EXT1: variants seen among roughly 807,000 people sequenced by gnomAD.
The protein encoded by EXT1 is exostosin-1.
Under a neutral mutation model 82.5 loss-of-function variants are expected in EXT1, and 20 were observed. That is an observed-to-expected ratio of 0.24 (90% CI 0.17 to 0.35). The LOEUF (loss-of-function observed/expected upper bound fraction) is 0.35. Ranked by LOEUF, EXT1 falls within the 10% of genes least tolerant of loss-of-function variation. The pLI, the probability that EXT1 is intolerant of heterozygous loss-of-function variation, is 1.00. For missense variants in EXT1, 757 were observed against 936.5 expected (o/e 0.81, Z 2.50); for synonymous variants, 348 against 350.8 (o/e 0.99, Z 0.09).
chr8:117,848,162 C>T (rs759921679), intron 1 of EXT1, among the ~76,000 whole-genome samples: 6 of 152,138 alleles, frequency 3.9e-5, no homozygotes, highest in Admixed American at 6.5e-5. Flanking sequence ...TAATCTTTCC[C>T]GTCTGGGTAT....
intron 1 of EXT1, among the ~76,000 whole-genome samples, chr8:118,082,132 C>T (rs1162058808): frequency 6.6e-6 from 1 of 152,172 alleles, no homozygotes; most frequent in African/African-American, 2.4e-5. Context: ...TTACAGAGAA[C>T]TGATGGCAAC....
At chr8:117,976,102 A>G (rs893033508) in intron 1 of EXT1, among the ~76,000 whole-genome samples, 3 of 152,248 alleles carry the variant, frequency 2.0e-5, no homozygotes, top group African/African-American at 7.2e-5. Flanking sequence ...GAACTTAAGC[A>G]AATGTACACA....
intron 1 of EXT1, among the ~76,000 whole-genome samples, chr8:118,013,153 CCT>C (rs2129839476): frequency 6.6e-6 from 1 of 152,076 alleles, no homozygotes; most frequent in Non-Finnish European, 1.5e-5. Flanking sequence ...CCCACCTCAT[CCT>C]CTCTAGTAGC....
chr8:118,106,073 C>T (rs866809320), intron 1 of EXT1, among the ~76,000 whole-genome samples: 3 of 152,294 alleles, frequency 2.0e-5, no homozygotes, highest in Middle Eastern at 3.4e-3. Flanking sequence ...TGTAAACTCC[C>T]AGAGCAAGAG....
chr8:117,926,786 TG>T (rs1434315141), intron 1 of EXT1, among the ~76,000 whole-genome samples: 20 of 152,330 alleles, frequency 1.3e-4, no homozygotes, highest in Non-Finnish European at 2.5e-4. Context: ...CCTATAAACA[TG>T]TTTATTTACC....
At chr8:117,808,202 C>CT (rs1823265332) in intron 8 of EXT1, among the ~76,000 whole-genome samples, 1 of 152,080 alleles carries the variant, frequency 6.6e-6, no homozygotes, top group Non-Finnish European at 1.5e-5. Context: ...AATGGTAAAT[C>CT]AAAATAATAA....
chr8:118,108,233 AG>A (rs1435976962), intron 1 of EXT1, among the ~76,000 whole-genome samples: 1 of 152,234 alleles, frequency 6.6e-6, no homozygotes, highest in Non-Finnish European at 1.5e-5. Context: ...ACTTGGATTA[AG>A]GGTATTTTCC....
chr8:117,834,669 A>G (rs1812155896), intron 3 of EXT1, among the ~76,000 whole-genome samples: 1 of 152,028 alleles, frequency 6.6e-6, no homozygotes, highest in South Asian at 2.1e-4. Context: ...TGAATATCCA[A>G]AAACTAAAAG....
At chr8:117,869,326 T>C (rs1812830190) in intron 1 of EXT1, among the ~76,000 whole-genome samples, 1 of 152,224 alleles carries the variant, frequency 6.6e-6, no homozygotes. Flanking sequence ...TTTATTTGTT[T>C]GGCGCAGAGG....
chr8:117,798,987 T>C lies in EXT1; in HGVS notation c.*725A>G, dbSNP rs1257857704. 2 of 152,366 alleles carry C rather than the reference T, an allele frequency of 1.3e-5. No homozygotes were observed. The highest frequency in any genetic ancestry group is 1.5e-5 in the Non-Finnish European group (1 of 68,192). The allele number at this position is 152,366 out of a possible 1,614,324, so 9.4% of individuals were successfully genotyped here. A position where few individuals can be genotyped will look rare whatever the true frequency, so the allele number is the denominator to read the frequency against. ...GTGCAAACTGAACATTTCTTAATTA[T>C]ACTAGTGTTTTCTTGGTACTAATTC... On this transcript the variant is annotated 3_prime_UTR_variant, in exon 11 of 11. Coordinates refer to ENST00000378204, the MANE Select transcript of EXT1 (RefSeq NM_000127.3).
intron 1 of EXT1, among the ~76,000 whole-genome samples, chr8:118,052,578 T>C (rs1476002386): frequency 1.3e-5 from 2 of 152,302 alleles, no homozygotes; most frequent in East Asian, 3.9e-4. Context: ...TGCAAGGCCA[T>C]AGAAGAAGCT....
chr8:117,862,483 C>G (rs1812702234), intron 1 of EXT1, among the ~76,000 whole-genome samples: 2 of 145,710 alleles, frequency 1.4e-5, no homozygotes, highest in Admixed American at 7.0e-5. Context: ...GGTTGACCAC[C>G]TCAGAAGGGA....
At chr8:118,047,319 T>G (rs1042099108) in intron 1 of EXT1, among the ~76,000 whole-genome samples, 4 of 152,194 alleles carry the variant, frequency 2.6e-5, no homozygotes, top group Non-Finnish European at 4.4e-5. Flanking sequence ...AACAATCCCT[T>G]ACTAGCTATG....
chr8:117,813,663 T>C (rs1823371687), intron 7 of EXT1, among the ~76,000 whole-genome samples: 1 of 152,150 alleles, frequency 6.6e-6, no homozygotes, highest in Non-Finnish European at 1.5e-5. Flanking sequence ...TCAAAGGTAA[T>C]ATTAAAGTTA....
chr8:117,992,399 T>C (rs578066812), intron 1 of EXT1, among the ~76,000 whole-genome samples: 1 of 144,056 alleles, frequency 6.9e-6, no homozygotes, highest in African/African-American at 2.6e-5. Flanking sequence ...AAATATTTGT[T>C]CAAATAAGCC....
chr8:117,828,598 T>C (rs1366253322), intron 4 of EXT1, among the ~76,000 whole-genome samples: 1 of 152,116 alleles, frequency 6.6e-6, no homozygotes, highest in Non-Finnish European at 1.5e-5. Context: ...GGATCTTAGA[T>C]GGAGGACAGG....
chr8:118,053,264 G>T (rs991677012), intron 1 of EXT1, among the ~76,000 whole-genome samples: 2 of 152,238 alleles, frequency 1.3e-5, no homozygotes, highest in Non-Finnish European at 2.9e-5. Context: ...GGTCTGTGGT[G>T]GTCGTTCAGT....
intron 1 of EXT1, among the ~76,000 whole-genome samples, chr8:117,903,858 C>A (rs530587463): frequency 5.7e-4 from 87 of 152,262 alleles, no homozygotes; most frequent in Middle Eastern, 3.4e-3. Context: ...AAAATCCGAA[C>A]TATAAAGGAT....
intron 1 of EXT1, among the ~76,000 whole-genome samples, chr8:118,053,963 C>G (rs1206748518): frequency 6.6e-6 from 1 of 152,184 alleles, no homozygotes; most frequent in Non-Finnish European, 1.5e-5. Flanking sequence ...CAAGGCACAT[C>G]TGGCAGTCAG....
Sources: allele counts gnomAD v4.1 joint callset (sites outside exome capture counted in the v4.1 genomes callset), GRCh38; gene constraint gnomAD v4.1.1; transcripts MANE v1.5; gene names NCBI Gene and HGNC (gene_info 2026-07-23, HGNC 2026-07-21).